The following FAM135B variants were observed in gnomAD, a reference collection of about 807,000 sequenced individuals.
FAM135B encodes the protein family with sequence similarity 135 member B.
Under a neutral mutation model 127.7 loss-of-function variants are expected in FAM135B, and 43 were observed. The ratio of observed to expected loss-of-function variants is 0.34; its 90% CI spans 0.26 to 0.43. The LOEUF is 0.43. FAM135B is among the 20% of genes least tolerant of loss of function. FAM135B has a pLI of 1.00. For missense variants in FAM135B, 1,558 were observed against 1,725.6 expected, an observed-to-expected ratio of 0.90 and a Z score of 1.72; for synonymous variants, 670 against 665.1, an observed-to-expected ratio of 1.01 and a Z score of -0.11.
chr8:138,269,668 T>A (rs911434558), intron 3 of FAM135B, among the ~76,000 whole-genome samples: 16 of 152,214 alleles, frequency 1.1e-4, no homozygotes, highest in African/African-American at 3.6e-4. Context: ...AAGGGAAATA[T>A]AAGTTCTAGA....
At chr8:138,228,099 T>C (rs186559247) in intron 7 of FAM135B, among the ~76,000 whole-genome samples, 3 of 152,122 alleles carry the variant, frequency 2.0e-5, no homozygotes, top group Non-Finnish European at 4.4e-5. Flanking sequence ...TATGTGTGCA[T>C]TGTCTGTAGC....
rs191897763 is a variant in FAM135B at position 138,241,282 on chromosome 8, C to T, written c.669+1660G>A. 3.1e-4 allele frequency among the ~76,000 whole-genome samples: 47 copies of T among 152,268 alleles called. 1 individual carries two copies. The South Asian group carries it at 5.8e-3, about 19-fold the overall frequency. ...CTGGGCCCTGCGTCAGTGCTAAGGA[C>T]GTCAGGTTCTGAGAAGCTCAGTGGT... On this transcript the variant is annotated intron_variant, in intron 7 of 19. Transcript: ENST00000395297. This position sits in a 1 kb window ranked among gnomAD's most constrained non-coding sequence, Gnocchi z 4.8.
At chr8:138,226,185 G>GTGTGTGTGCGCGCGCA (rs1491439764) in intron 7 of FAM135B, among the ~76,000 whole-genome samples, 1 of 96,762 alleles carries the variant, frequency 1.0e-5, no homozygotes, top group East Asian at 4.0e-4. Context: ...GTGTGTGTGT[G>GTGTGTGTGCGCGCGCA]CGCGCATGTC....
At chr8:138,435,590 A>G (rs1346845932) in intron 1 of FAM135B, among the ~76,000 whole-genome samples, 2 of 152,204 alleles carry the variant, frequency 1.3e-5, no homozygotes, top group Non-Finnish European at 2.9e-5. Context: ...TACAATAGCA[A>G]TATCTATAAG....
intron 2 of FAM135B, among the ~76,000 whole-genome samples, chr8:138,330,213 T>G (rs2130989170): frequency 6.6e-6 from 1 of 152,304 alleles, no homozygotes. Context: ...ATGTCTTCCT[T>G]AACCTGTAAT....
At position 138,265,772 on chromosome 8, in the gene FAM135B, G is replaced by C; in HGVS notation, c.228C>G (p.Tyr76Ter). 1 of 1,614,048 alleles carries C rather than the reference G, an allele frequency of 6.2e-7. No homozygotes were observed. The highest frequency in any genetic ancestry group is 8.5e-7 in the Non-Finnish European group (1 of 1,179,984). Residue 76 changes from tyrosine (Y) to a stop codon, truncating the protein, a stop_gained, in exon 4 of 20, where the codon TAC (tyrosine) becomes TAG (stop). Coordinates refer to ENST00000395297, the MANE Select transcript of FAM135B (RefSeq NM_015912.4). LOFTEE classifies it high-confidence loss of function. The part of the protein sequence containing the change: ...TVHSRVFQIL[Y>*]RNEEVPINDA... ...CATTTATGGGTACCTCTTCATTCCG[G>C]TATAAGATCTGAAAGACCCGGCTGT...
At chr8:138,216,125 G>A (rs192140443) in intron 7 of FAM135B, among the ~76,000 whole-genome samples, 10 of 152,212 alleles carry the variant, frequency 6.6e-5, no homozygotes, top group Non-Finnish European at 2.9e-5. Context: ...GTTCCAATAG[G>A]GTTTCCTTGT....
intron 11 of FAM135B, among the ~76,000 whole-genome samples, chr8:138,169,389 T>A (rs896544616): frequency 7.1e-6 from 1 of 141,356 alleles, no homozygotes; most frequent in South Asian, 2.1e-4. Flanking sequence ...TAAATGTTCT[T>A]CTCTGAATAT....
chr8:138,132,847 G>A lies in FAM135B; in HGVS notation c.4016-49C>T, dbSNP rs1279295838. The A allele has an allele frequency of 6.5e-7, 1 of 1,549,834 alleles. No individual in the cohort carries two copies. Among genetic ancestry groups the A allele is most frequent in the South Asian group, 1.1e-5 (1 of 89,408 alleles). On this transcript the variant is annotated intron_variant, in intron 19 of 19. Transcript: ENST00000395297. The surrounding 1 kb of genome is among the most constrained non-coding windows in gnomAD (Gnocchi z 4.5). Reference sequence around the variant, plus strand: ...TGAAGCTGGTGCAGAAATTAGCAGTGGAATCTAGAGAACATCACTAGATGT... The same window carrying A: ...TGAAGCTGGTGCAGAAATTAGCAGTAGAATCTAGAGAACATCACTAGATGT...
At chr8:138,399,053 G>T (rs572399721) in intron 1 of FAM135B, among the ~76,000 whole-genome samples, 1 of 152,082 alleles carries the variant, frequency 6.6e-6, no homozygotes, top group Admixed American at 6.5e-5. Context: ...AAGAATAACA[G>T]GAGTAAGAAT....
chr8:138,486,750 G>C (rs1564037930), intron 1 of FAM135B, among the ~76,000 whole-genome samples: 2 of 152,108 alleles, frequency 1.3e-5, no homozygotes, highest in African/African-American at 4.8e-5. Flanking sequence ...TCAACTGAAG[G>C]TACCTGCTCA....
At chr8:138,233,846 A>C (rs1237753504) in intron 7 of FAM135B, among the ~76,000 whole-genome samples, 1 of 152,214 alleles carries the variant, frequency 6.6e-6, no homozygotes, top group Admixed American at 6.5e-5. Flanking sequence ...ATAAATAAAT[A>C]AACTTGATTT....
At chr8:138,249,139 C>A (rs947409501) in intron 6 of FAM135B, among the ~76,000 whole-genome samples, 3 of 152,180 alleles carry the variant, frequency 2.0e-5, no homozygotes, top group Non-Finnish European at 4.4e-5. Flanking sequence ...CCTCACCTCG[C>A]AGAGGGCAGA....
chr8:138,324,695 CAAGGT>C lies in FAM135B; in HGVS notation c.78-13780_78-13776del, dbSNP rs1289854331. The stretch of plus-strand genomic sequence containing the variant: ...AAATATTAATATCCTTTCAGAAAAA[CAAGGT>C]AAGATTGAGAGAAGGTAAACTATTT... On this transcript the variant is annotated intron_variant, in intron 2 of 19. Transcript: ENST00000395297. 1.2e-4 allele frequency among the ~76,000 whole-genome samples: 18 copies of C among 152,218 alleles called. No individual in the cohort carries two copies. The East Asian group carries it at 3.3e-3, about 28-fold the overall frequency.
chr8:138,298,808 G>A (rs1244676653), intron 3 of FAM135B, among the ~76,000 whole-genome samples: 1 of 152,074 alleles, frequency 6.6e-6, no homozygotes, highest in Non-Finnish European at 1.5e-5. Flanking sequence ...ACAATGGGAG[G>A]GACAGGGGTA....
intron 1 of FAM135B, among the ~76,000 whole-genome samples, chr8:138,480,768 C>T (rs189648202): frequency 9.9e-5 from 15 of 152,236 alleles, no homozygotes; most frequent in Admixed American, 8.5e-4. Flanking sequence ...ACTGTGAGTC[C>T]GTCTCTATTT....
At chr8:138,360,059 G>A (rs147447922) in intron 2 of FAM135B, among the ~76,000 whole-genome samples, 153 of 152,258 alleles carry the variant, frequency 1.0e-3, no homozygotes, top group African/African-American at 3.5e-3. Flanking sequence ...CCACTGGGGA[G>A]AAAATCTCCT....
chr8:138,236,003 G>A (rs903042123), intron 7 of FAM135B, among the ~76,000 whole-genome samples: 1 of 152,174 alleles, frequency 6.6e-6, no homozygotes, highest in Non-Finnish European at 1.5e-5. Flanking sequence ...ATCTCCACGG[G>A]TGAGCCAAGG....
At chr8:138,330,012 T>C (rs1828055707) in intron 2 of FAM135B, among the ~76,000 whole-genome samples, 1 of 152,162 alleles carries the variant, frequency 6.6e-6, no homozygotes, top group Non-Finnish European at 1.5e-5. Context: ...CATCTGGGCA[T>C]GCTCTCAACC....
Sources: allele counts gnomAD v4.1 joint callset (sites outside exome capture counted in the v4.1 genomes callset), GRCh38; gene constraint gnomAD v4.1.1; non-coding constraint Gnocchi (gnomAD v3.1); transcripts MANE v1.5; gene names NCBI Gene and HGNC (gene_info 2026-07-23, HGNC 2026-07-21).